Variants in TNFAIP8L3 observed in about 807,000 individuals in gnomAD.
TNFAIP8L3 encodes the protein TNF alpha induced protein 8 like 3.
TNFAIP8L3 carries 7 observed loss-of-function variants against 11.8 expected under a neutral mutation model. The ratio of observed to expected loss-of-function variants is 0.59; its 90% CI spans 0.34 to 1.11. TNFAIP8L3 has a LOEUF of 1.11. TNFAIP8L3 is among the 50% of genes most tolerant of loss of function. The pLI is 0.03. For synonymous variants in TNFAIP8L3, 98 were observed against 103.8 expected, an observed-to-expected ratio of 0.94 and a Z score of 0.34; for missense variants, 219 against 258.6, an observed-to-expected ratio of 0.85 and a Z score of 1.05.
chr15:51,087,749 A>G lies in TNFAIP8L3; in HGVS notation c.52+6795T>C, dbSNP rs561206725. Among the ~76,000 whole-genome samples the G allele has an allele frequency of 4.6e-5, 7 of 151,954 alleles. No individual in the cohort carries two copies. In the South Asian group the frequency reaches 1.5e-3, roughly 32 times the overall value. ...AGCCTTCCATTTTTACAGTATGCAC[A>G]CTGGTAGATTTTCCATGAACAGGCT... On this transcript the variant is annotated intron_variant, in intron 1 of 1. Coordinates refer to ENST00000637513, the MANE Select transcript of TNFAIP8L3 (RefSeq NM_001311175.2).
intron 1 of TNFAIP8L3, among the ~76,000 whole-genome samples, chr15:51,085,093 G>T (rs1343665541): frequency 2.6e-5 from 4 of 152,036 alleles, no homozygotes; most frequent in African/African-American, 7.3e-5. Flanking sequence ...TATAAATTTA[G>T]CTCTGCCTGC....
chr15:51,062,552 G>A (rs1375747611), intron 1 of TNFAIP8L3, among the ~76,000 whole-genome samples: 1 of 152,202 alleles, frequency 6.6e-6, no homozygotes, highest in Non-Finnish European at 1.5e-5. Flanking sequence ...CTCTGTACAT[G>A]TTGTGGAATG....
chr15:51,063,969 C>G, intron 1 of TNFAIP8L3, among the ~76,000 whole-genome samples: 1 of 152,162 alleles, frequency 6.6e-6, no homozygotes, highest in Non-Finnish European at 1.5e-5. Context: ...TTCCAGCCAT[C>G]TATCTTGTAT....
At position 51,094,440 on chromosome 15, in the gene TNFAIP8L3, GA is replaced by G; in HGVS notation, c.52+103del. ...CGGAGCAATCCCCAGTCTTGGCCTG[GA>G]AGGGGTCGGGCTGCTGAGGATCGGC... On this transcript the variant is annotated intron_variant, in intron 1 of 1. Transcript: ENST00000637513. The surrounding 1 kb of genome is among the most constrained non-coding windows in gnomAD (Gnocchi z 4.4). 2 of 1,262,778 alleles carry G rather than the reference GA, an allele frequency of 1.6e-6. No homozygotes were observed. Among genetic ancestry groups the G allele is most frequent in the Admixed American group, 3.7e-5 (1 of 26,932 alleles). 78.2% of individuals were successfully genotyped at this position (1,262,778 alleles called of 1,614,324 possible).
At chr15:51,098,605 ATT>A (rs1000960496), upstream of TNFAIP8L3, among the ~76,000 whole-genome samples, 5 of 152,166 alleles carry the variant, frequency 3.3e-5, no homozygotes, top group Admixed American at 2.0e-4. Flanking sequence ...ATAAGCTTTT[ATT>A]TGTCTCCCCT....
chr15:51,067,994 A>G (rs896278697), intron 1 of TNFAIP8L3, among the ~76,000 whole-genome samples: 4 of 152,246 alleles, frequency 2.6e-5, no homozygotes, highest in Non-Finnish European at 4.4e-5. Context: ...CAACTTGAAG[A>G]ATGGATTTCA....
chr15:51,096,845 C>G (rs1051804491), upstream of TNFAIP8L3, among the ~76,000 whole-genome samples: 130 of 141,502 alleles, frequency 9.2e-4, 1 homozygote, highest in Non-Finnish European at 1.5e-3. Context: ...GAGCCGAGAT[C>G]GTGCCATTGC....
intron 1 of TNFAIP8L3, among the ~76,000 whole-genome samples, chr15:51,088,310 G>A (rs2065444177): frequency 6.6e-6 from 1 of 152,046 alleles, no homozygotes; most frequent in African/African-American, 2.4e-5. Flanking sequence ...AATAACATAG[G>A]AAATAGAGCT....
chr15:51,070,969 TGAA>T (rs1350811936), intron 1 of TNFAIP8L3, among the ~76,000 whole-genome samples: 1 of 134,470 alleles, frequency 7.4e-6, no homozygotes, highest in East Asian at 2.3e-4. Context: ...GAGAATGGCG[TGAA>T]CCCGGGAGGT....
intron 1 of TNFAIP8L3, among the ~76,000 whole-genome samples, chr15:51,070,100 T>C (rs2065298314): frequency 6.6e-6 from 1 of 152,256 alleles, no homozygotes; most frequent in Non-Finnish European, 1.5e-5. Flanking sequence ...TACATATTAA[T>C]GTTGCTTTTC....
rs1441729819 is a variant in TNFAIP8L3, at chr15:51,094,328, G to C, written c.52+216C>G. On this transcript the variant is annotated intron_variant, in intron 1 of 1. Transcript: ENST00000637513. The surrounding 1 kb of genome is among the most constrained non-coding windows in gnomAD (Gnocchi z 4.4). ...CCCGCCGCGGGAGACTGGCAGCAAG[G>C]AGAGCCACCCCTAAATGCACCTTCC... Among the ~76,000 whole-genome samples, 3 of 152,186 alleles carry C rather than the reference G, an allele frequency of 2.0e-5. No individual in the cohort carries two copies. The highest frequency in any genetic ancestry group is 4.4e-5 in the Non-Finnish European group (3 of 68,026).
rs1251558753 is a variant in TNFAIP8L3, at chr15:51,094,726, T to C, written c.-131A>G. On this transcript the variant is annotated 5_prime_UTR_variant, in exon 1 of 2. Coordinates refer to ENST00000637513, the MANE Select transcript of TNFAIP8L3 (RefSeq NM_001311175.2). This position sits in a 1 kb window ranked among gnomAD's most constrained non-coding sequence, Gnocchi z 4.4. ...GGCGCGGGCGGCGCGGGCTGGGCGG[T>C]GCGCGGCGGCAGCGGCCAGGGGGCG... The C allele has an allele frequency of 1.0e-6, 1 of 984,476 alleles. No individual in the cohort carries two copies. Among genetic ancestry groups the C allele is most frequent in the Admixed American group, 6.3e-5 (1 of 15,860 alleles). 61.0% of individuals were successfully genotyped at this position (984,476 alleles called of 1,614,324 possible). A position where few individuals can be genotyped will look rare whatever the true frequency, so the allele number is the denominator to read the frequency against.
chr15:51,076,519 A>G (rs1437156407), intron 1 of TNFAIP8L3, among the ~76,000 whole-genome samples: 2 of 152,232 alleles, frequency 1.3e-5, no homozygotes, highest in Non-Finnish European at 2.9e-5. Context: ...ATGGTAACGT[A>G]AAGAAGTACC....
At position 51,094,646 on chromosome 15, in the gene TNFAIP8L3, G is replaced by T. The variant is rs778796363; in HGVS notation, c.-51C>A. Reference sequence around the variant, plus strand: ...ACGGCCACCCGCCCGTCTGCGGGGCGCTCGGGCAGCCGCGGCGCACTCAGG... The same window carrying T: ...ACGGCCACCCGCCCGTCTGCGGGGCTCTCGGGCAGCCGCGGCGCACTCAGG... On this transcript the variant is annotated 5_prime_UTR_variant, in exon 1 of 2. Transcript: ENST00000637513. This position sits in a 1 kb window ranked among gnomAD's most constrained non-coding sequence, Gnocchi z 4.4. The T allele has an allele frequency of 4.3e-6, 6 of 1,383,344 alleles. No individual in the cohort carries two copies. The highest frequency in any genetic ancestry group is 5.6e-6 in the Non-Finnish European group (6 of 1,069,488). The allele number at this position is 1,383,344 out of a possible 1,614,324, so 85.7% of individuals were successfully genotyped here. A position where few individuals can be genotyped will look rare whatever the true frequency, so the allele number is the denominator to read the frequency against.
intron 1 of TNFAIP8L3, among the ~76,000 whole-genome samples, chr15:51,093,036 T>A (rs1231145948): frequency 6.6e-6 from 1 of 152,180 alleles, no homozygotes; most frequent in Non-Finnish European, 1.5e-5. Context: ...TCGAAATAGA[T>A]ACACACAAAA....
intron 1 of TNFAIP8L3, among the ~76,000 whole-genome samples, chr15:51,077,740 A>G (rs7170815): frequency 0.15 from 23,241 of 152,194 alleles, 2,039 homozygotes; most frequent in Middle Eastern, 0.27. Context: ...GCTTAATAAT[A>G]TGCACATGCG....
chr15:51,093,025 C>T (rs1015829179), intron 1 of TNFAIP8L3, among the ~76,000 whole-genome samples: 1 of 152,166 alleles, frequency 6.6e-6, no homozygotes, highest in Non-Finnish European at 1.5e-5. Context: ...CGCTTGCGCT[C>T]TCGAAATAGA....
intron 1 of TNFAIP8L3, among the ~76,000 whole-genome samples, chr15:51,074,848 A>G (rs1438762141): frequency 6.6e-6 from 1 of 152,136 alleles, no homozygotes; most frequent in African/African-American, 2.4e-5. Flanking sequence ...CCCTCCCACC[A>G]TGAGCCCCTG....
At chr15:51,084,200 G>A (rs959245086) in intron 1 of TNFAIP8L3, among the ~76,000 whole-genome samples, 1 of 152,094 alleles carries the variant, frequency 6.6e-6, no homozygotes, top group African/African-American at 2.4e-5. Flanking sequence ...GTGTGTGTGT[G>A]TGTATGCACA....
Sources: gnomAD v4.1 joint callset for allele counts (sites outside exome capture counted in the v4.1 genomes callset) on GRCh38, gnomAD v4.1.1 for gene constraint, Gnocchi (gnomAD v3.1) non-coding constraint, MANE v1.5 for transcripts, NCBI Gene and HGNC (gene_info 2026-07-23, HGNC 2026-07-21) for gene names.